The following CD1B variants were observed in gnomAD, a reference collection of about 807,000 sequenced individuals.
CD1B encodes CD1b molecule.
A neutral mutation model predicts 39.8 loss-of-function variants in CD1B; 43 were observed. That is an observed-to-expected ratio of 1.08 (90% confidence interval 0.85 to 1.39). CD1B has a LOEUF of 1.39. Among genes scored for constraint, CD1B ranks in the 40% most tolerant of loss-of-function variants. CD1B has a pLI of 0.00. For synonymous variants in CD1B, 192 were observed against 152.5 expected (o/e 1.26, Z -1.91); for missense variants, 495 against 403.8 (o/e 1.23, Z -1.94).
the CD1B span, among the ~76,000 whole-genome samples, chr1:158,314,345 G>T: frequency 6.6e-6 from 1 of 152,176 alleles, no homozygotes; most frequent in Non-Finnish European, 1.5e-5. Context: ...GCCTCCCAAA[G>T]TGCTGGGATT....
At chr1:158,309,688 G>A in the CD1B span, among the ~76,000 whole-genome samples, 3 of 152,006 alleles carry the variant, frequency 2.0e-5, no homozygotes, top group African/African-American at 4.8e-5. Context: ...GTAGGGACAT[G>A]GATGAAACTG....
chr1:158,289,504 G>A, the CD1B span, among the ~76,000 whole-genome samples: 1 of 152,144 alleles, frequency 6.6e-6, no homozygotes, highest in Admixed American at 6.6e-5. Context: ...AAGAATCAGT[G>A]AGAATGAGGA....
the CD1B span, among the ~76,000 whole-genome samples, chr1:158,309,884 T>C: frequency 6.6e-6 from 1 of 151,776 alleles, no homozygotes; most frequent in African/African-American, 2.4e-5. Flanking sequence ...TAATATTAAA[T>C]AACGAGTCAA....
rs915018451 is a variant in CD1B, at chr1:158,330,883, C to A, written c.241G>T (p.Val81Phe). 2.5e-6 allele frequency: 4 copies of A among 1,614,028 alleles called. No individual in the cohort carries two copies. Among genetic ancestry groups the A allele is most frequent in the Middle Eastern group, 1.6e-4 (1 of 6,062 alleles). ...CGGAATATCTCCTCTAACTCAGCAA[C>A]CTCCTTATCACTAAAGTTACCTTTA... ...WSKGNFSDKE[V>F]AELEEIFRVY... Residue 81 changes from valine (V) to phenylalanine (F), a missense_variant, in exon 2 of 6, where the codon GTT (valine) becomes TTT (phenylalanine). By Grantham distance (50) the Val-to-Phe change is conservative. Coordinates refer to ENST00000368168, the MANE Select transcript of CD1B (RefSeq NM_001764.3).
chr1:158,285,857 A>G, the CD1B span, among the ~76,000 whole-genome samples: 3 of 152,106 alleles, frequency 2.0e-5, no homozygotes, highest in African/African-American at 7.2e-5. Flanking sequence ...CACTTCAATA[A>G]GAGTTGAGGA....
intron 1 of CD1B, 88 bp downstream of exon 1, chr1:158,331,275 G>C (rs1346131279): frequency 1.7e-5 from 21 of 1,268,456 alleles, no homozygotes; most frequent in Non-Finnish European, 2.2e-5. Flanking sequence ...CAGACCCTTA[G>C]TGTCCAATTG....
At chr1:158,315,313 C>T in the CD1B span, among the ~76,000 whole-genome samples, 2 of 152,012 alleles carry the variant, frequency 1.3e-5, no homozygotes, top group Non-Finnish European at 2.9e-5. Flanking sequence ...TCCTCCCCAG[C>T]ACCTGTTGTT....
Position 158,331,503 on chromosome 1 carries a change from G to T in CD1B, c.-80C>A. ...CAGCAAAGCTTTTCCTCAGTACCCT[G>T]TAGTGACTTCTTCTCTCTTCCAACT... On this transcript the variant is annotated 5_prime_UTR_variant, in exon 1 of 6. Coordinates refer to ENST00000368168, the MANE Select transcript of CD1B (RefSeq NM_001764.3). 1 of 1,144,254 alleles carries T rather than the reference G, an allele frequency of 8.7e-7. No individual in the cohort carries two copies. Among genetic ancestry groups the T allele is most frequent in the Non-Finnish European group, 1.3e-6 (1 of 766,644 alleles). The allele number at this position is 1,144,254 out of a possible 1,614,324, so 70.9% of individuals were successfully genotyped here.
chr1:158,293,831 G>A, the CD1B span, among the ~76,000 whole-genome samples: 1 of 152,146 alleles, frequency 6.6e-6, no homozygotes, highest in Non-Finnish European at 1.5e-5. Flanking sequence ...AGGAGGCAAG[G>A]ATCATGATAA....
At chr1:158,321,814 A>G in the CD1B span, among the ~76,000 whole-genome samples, 1 of 152,228 alleles carries the variant, frequency 6.6e-6, no homozygotes, top group Non-Finnish European at 1.5e-5. Context: ...TAGGCTTATT[A>G]CATAGGAAAA....
chr1:158,327,076 C>T (rs937404412), downstream of CD1B, among the ~76,000 whole-genome samples: 8 of 152,198 alleles, frequency 5.3e-5, no homozygotes, highest in Non-Finnish European at 8.8e-5. Context: ...GGATTACAGG[C>T]GTGAGCCACC....
At chr1:158,313,698 T>A in the CD1B span, among the ~76,000 whole-genome samples, 1 of 152,188 alleles carries the variant, frequency 6.6e-6, no homozygotes, top group African/African-American at 2.4e-5. Context: ...CTGGACAAAT[T>A]TACTCTCATT....
At chr1:158,314,086 T>G in the CD1B span, among the ~76,000 whole-genome samples, 1 of 152,102 alleles carries the variant, frequency 6.6e-6, no homozygotes. Context: ...GTTTGTCAGG[T>G]TTTGTTTTTG....
At chr1:158,322,476 AG>A in the CD1B span, among the ~76,000 whole-genome samples, 1 of 78,404 alleles carries the variant, frequency 1.3e-5, no homozygotes, top group Non-Finnish European at 2.4e-5. Flanking sequence ...CATGTTGCCC[AG>A]GCTGAACTCA....
In CD1B at chr1:158,329,900, A is replaced by G. The variant is rs1652518727; in HGVS notation, c.559T>C (p.Tyr187His). ...RILLYETCPR[Y>H]LLGVLNAGKA... ...CCTGCATTGAGGACGCCCAAGAGAT[A>G]TCGGGGGCAGGTTTCATAGAGGAGA... Residue 187 changes from tyrosine to histidine, a missense_variant, in exon 3 of 6, where the codon TAT becomes CAT. By Grantham distance (83) the Tyr-to-His change is moderately conservative. Transcript: ENST00000368168. 4 of 1,614,096 alleles carry G rather than the reference A, an allele frequency of 2.5e-6. No individual in the cohort carries two copies. Among genetic ancestry groups the G allele is most frequent in the Non-Finnish European group, 3.4e-6 (4 of 1,179,988 alleles).
the CD1B span, among the ~76,000 whole-genome samples, chr1:158,317,919 T>C: frequency 6.6e-6 from 1 of 152,258 alleles, no homozygotes; most frequent in African/African-American, 2.4e-5. Context: ...TTTCATTATG[T>C]ACCCAGTAGT....
chr1:158,293,266 T>C, the CD1B span: 8 of 1,614,058 alleles, frequency 5.0e-6, no homozygotes, highest in Non-Finnish European at 6.8e-6. Context: ...CCCTTGGTGA[T>C]TCTAATAGTC....
At chr1:158,331,157 C>G (rs1652587424) in intron 1 of CD1B, 95 bp from the exon 2 acceptor site, 2 of 1,332,608 alleles carry the variant, frequency 1.5e-6, no homozygotes, top group Non-Finnish European at 2.1e-6. Flanking sequence ...AAAACAAGAA[C>G]CTAGAGTCTA....
chr1:158,314,384 T>C, the CD1B span, among the ~76,000 whole-genome samples: 1 of 152,138 alleles, frequency 6.6e-6, no homozygotes, highest in African/African-American at 2.4e-5. Context: ...CCTGGCCAAG[T>C]GTTTTATATT....
Sources: allele counts gnomAD v4.1 joint callset (sites outside exome capture counted in the v4.1 genomes callset), GRCh38; gene constraint gnomAD v4.1.1; transcripts MANE v1.5; gene names NCBI Gene and HGNC (gene_info 2026-07-23, HGNC 2026-07-21).